The following CRB2 variants were observed in gnomAD, a reference collection of about 807,000 sequenced individuals.
CRB2 encodes crumbs cell polarity complex component 2.
A neutral mutation model predicts 110.9 loss-of-function variants in CRB2; 85 were observed. The observed-to-expected ratio is 0.77, with a 90% CI of 0.64 to 0.92. The LOEUF (loss-of-function observed/expected upper bound fraction) is 0.92, where lower values mean the gene tolerates loss of function less well. Among genes scored for constraint, CRB2 ranks in the 40% least tolerant of loss-of-function variants. The pLI, the probability that CRB2 is intolerant of heterozygous loss-of-function variation, is 0.00. For missense variants in CRB2, 1,843 were observed against 1,851.3 expected (o/e 1.00, Z 0.08); for synonymous variants, 907 against 831.0 (o/e 1.09, Z -1.57).
intron 6 of CRB2, among the ~76,000 whole-genome samples, chr9:123,369,417 G>A (rs1258137435): frequency 2.0e-5 from 3 of 152,210 alleles, no homozygotes; most frequent in Admixed American, 2.0e-4. Flanking sequence ...GCTGTGCCTG[G>A]GACTGCAGAG....
At chr9:123,357,047 G>A (rs2041808459) in intron 1 of CRB2, among the ~76,000 whole-genome samples, 1 of 152,070 alleles carries the variant, frequency 6.6e-6, no homozygotes, top group Admixed American at 6.5e-5. Context: ...CCATTTGTGC[G>A]GTAGCCCTGC....
Position 123,376,862 on chromosome 9 carries a change from T to G in CRB2, c.3658T>G (p.Phe1220Val). The G allele has an allele frequency of 6.2e-7, 1 of 1,609,392 alleles. No individual in the cohort carries two copies. Among genetic ancestry groups the G allele is most frequent in the Non-Finnish European group, 8.5e-7 (1 of 1,179,230 alleles). The change falls in exon 13 of 13, where the codon TTC becomes GTC. Residue 1220 changes from phenylalanine to valine, a missense_variant. Physicochemically the swap from Phe to Val is conservative, Grantham distance 50. Coordinates refer to ENST00000373631, the MANE Select transcript of CRB2 (RefSeq NM_173689.7). ...VAKGLPLPLP[F>V]PLLEVAVPAA... Reference sequence around the variant, plus strand: ...GAAGGGCCTGCCCCTGCCGCTGCCATTCCCACTGCTGGAGGTGGCCGTACC... The same window carrying G: ...GAAGGGCCTGCCCCTGCCGCTGCCAGTCCCACTGCTGGAGGTGGCCGTACC...
At chr9:123,358,381 G>A (rs1422060524) in intron 1 of CRB2, among the ~76,000 whole-genome samples, 1 of 152,152 alleles carries the variant, frequency 6.6e-6, no homozygotes, top group African/African-American at 2.4e-5. Context: ...AACACCCAGG[G>A]AGCCCAGCAG....
chr9:123,372,940 C>T (rs916814120), intron 9 of CRB2, among the ~76,000 whole-genome samples, 194 bp from the exon 10 acceptor site: 2 of 152,212 alleles, frequency 1.3e-5, no homozygotes, highest in African/African-American at 4.8e-5. Flanking sequence ...ACTGCTCCTC[C>T]ATGGGTAGGA....
rs1291693339 is a variant in CRB2, at chr9:123,373,329, T to G, written c.2798T>G (p.Val933Gly). The G allele has an allele frequency of 7.6e-6, 11 of 1,444,256 alleles. No homozygotes were observed. The highest frequency in any genetic ancestry group is 9.0e-6 in the Non-Finnish European group (10 of 1,107,666). The allele number at this position is 1,444,256 out of a possible 1,614,324, so 89.5% of individuals were successfully genotyped here. A position where few individuals can be genotyped will look rare whatever the true frequency, so the allele number is the denominator to read the frequency against. ...AVRNGSLAGGVRGGHGLPGAV... is the reference protein window; with the variant it reads ...AVRNGSLAGGGRGGHGLPGAV... ...CGCAATGGCTCGCTGGCGGGGGGCG[T>G]GCGCGGAGGCCATGGCCTGCCCGGC... Residue 933 changes from valine (V) to glycine (G), a missense_variant, in exon 10 of 13, where the codon GTG becomes GGG. Physicochemically the swap from Val to Gly is moderately radical, Grantham distance 109 (BLOSUM62 -3). Transcript: ENST00000373631.
At chr9:123,367,741 G>A (rs1281359982) in intron 6 of CRB2, 55 bp downstream of exon 6, 2 of 1,191,184 alleles carry the variant, frequency 1.7e-6, no homozygotes, top group African/African-American at 3.0e-5. Context: ...CCTCAGGTGA[G>A]AAGGTCCCTT....
chr9:123,362,961 G>A lies in CRB2; in HGVS notation c.191G>A (p.Gly64Glu). The stretch of plus-strand genomic sequence containing the variant: ...ACCGAGAGTGGTGGCTATACCTGTG[G>A]GCCCATGGAGCCCCGGGGCTGTGCC... The part of the protein sequence containing the change: ...QATESGGYTC[G>E]PMEPRGCATQ... Residue 64 changes from glycine (G) to glutamate (E), a missense_variant, in exon 2 of 13, where the codon GGG (glycine) becomes GAG (glutamate). By Grantham distance (98) the Gly-to-Glu change is moderately conservative. Coordinates refer to ENST00000373631, the MANE Select transcript of CRB2 (RefSeq NM_173689.7). 1 of 1,611,428 alleles carries A rather than the reference G, an allele frequency of 6.2e-7. No homozygotes were observed. Among genetic ancestry groups the A allele is most frequent in the East Asian group, 2.2e-5 (1 of 44,814 alleles).
rs1345545989 is a variant in CRB2, at chr9:123,367,566, C to T, written c.941-7C>T. 6.4e-6 allele frequency: 10 copies of T among 1,550,828 alleles called. No individual in the cohort carries two copies. The highest frequency in any genetic ancestry group is 3.6e-5 in the South Asian group (3 of 84,066). Reference sequence around the variant, plus strand: ...GCAGGTGGGACCCACAGCTGGGCCTCTTACAGGAGCCGACTGCGGTGTGGA... The same window carrying T: ...GCAGGTGGGACCCACAGCTGGGCCTTTTACAGGAGCCGACTGCGGTGTGGA... On this transcript the variant is annotated splice_region_variant and splice_polypyrimidine_tract_variant and intron_variant, in intron 5 of 12. Transcript: ENST00000373631.
intron 11 of CRB2, 27 bp from the exon 12 acceptor site, chr9:123,375,190 G>A (rs369111020): frequency 1.9e-5 from 30 of 1,611,030 alleles, no homozygotes; most frequent in Admixed American, 6.7e-5. Context: ...GGGGGAAGCC[G>A]CTTTCTCAGC....
At position 123,374,595 on chromosome 9, in the gene CRB2, A is replaced by G. The variant is rs751088787; in HGVS notation, c.3406A>G (p.Lys1136Glu). Residue 1136 changes from lysine (K) to glutamate (E), a missense_variant, in exon 11 of 13, where the codon AAG becomes GAG. By Grantham distance (56) the Lys-to-Glu change is moderately conservative (BLOSUM62 1). Coordinates refer to ENST00000373631, the MANE Select transcript of CRB2 (RefSeq NM_173689.7). Reference sequence around the variant, plus strand: ...TCTCCCCAGGTTGCCTGTCCCATCCAAGGAGTGCAGCCTGAATGTCACCTG... The same window carrying G: ...TCTCCCCAGGTTGCCTGTCCCATCCGAGGAGTGCAGCCTGAATGTCACCTG... ...GPRCRLPVPSKECSLNVTCLD... is the reference protein window; with the variant it reads ...GPRCRLPVPSEECSLNVTCLD... 5.0e-5 allele frequency: 80 copies of G among 1,613,142 alleles called. No individual in the cohort carries two copies. In the Admixed American group the frequency reaches 1.3e-3, roughly 27 times the overall value.
chr9:123,366,412 T>G (rs1417047641), intron 4 of CRB2, 46 bp downstream of exon 4: 25 of 1,503,074 alleles, frequency 1.7e-5, no homozygotes, highest in Non-Finnish European at 2.1e-5. Context: ...GGGGTAGGTG[T>G]GCGCCTGTGC....
In CRB2 at chr9:123,373,518, T is replaced by C; in HGVS notation, c.2987T>C (p.Leu996Pro). The change falls in exon 10 of 13, where the codon CTG becomes CCG. Residue 996 changes from leucine (L) to proline (P), a missense_variant. Leu to Pro is a moderately conservative substitution (Grantham distance 98). Coordinates refer to ENST00000373631, the MANE Select transcript of CRB2 (RefSeq NM_173689.7). ...LRGLASDLGF[L>P]QGPGAVRILL... ...GGCCTGGCCAGTGACCTGGGCTTCC[T>C]GCAGGGCCCGGGTGCTGTGCGCATC... 6.8e-7 allele frequency: 1 copy of C among 1,478,172 alleles called. No homozygotes were observed. The highest frequency in any genetic ancestry group is 8.9e-7 in the Non-Finnish European group (1 of 1,122,084). 91.6% of individuals were successfully genotyped at this position (1,478,172 alleles called of 1,614,324 possible). A position where few individuals can be genotyped will look rare whatever the true frequency, so the allele number is the denominator to read the frequency against.
At chr9:123,364,427 G>A (rs1328777445) in intron 2 of CRB2, among the ~76,000 whole-genome samples, 1 of 96,350 alleles carries the variant, frequency 1.0e-5, no homozygotes, top group Non-Finnish European at 2.4e-5. Context: ...ACTCTTCCTG[G>A]GTAAGCTGTG....
chr9:123,369,444 G>A (rs973118269), intron 6 of CRB2, among the ~76,000 whole-genome samples: 3 of 152,334 alleles, frequency 2.0e-5, no homozygotes, highest in African/African-American at 7.2e-5. Flanking sequence ...AGTAGTTTGA[G>A]GTTGGGAGTT....
chr9:123,365,828 T>A, intron 2 of CRB2, 89 bp from the exon 3 acceptor site: 1 of 1,143,876 alleles, frequency 8.7e-7, no homozygotes, highest in Non-Finnish European at 1.2e-6. Context: ...AATCCACGAG[T>A]CTCTAACTCT....
chr9:123,375,187 G>T, intron 11 of CRB2, 30 bp from the exon 12 acceptor site: 11 of 1,611,040 alleles, frequency 6.8e-6, no homozygotes, highest in Non-Finnish European at 9.3e-6. Flanking sequence ...CATGGGGGAA[G>T]CCGCTTTCTC....
chr9:123,377,069 C>CT lies in CRB2; in HGVS notation c.*8dup. The CT allele has an allele frequency of 6.5e-7, 1 of 1,534,826 alleles. No individual in the cohort carries two copies. The highest frequency in any genetic ancestry group is 1.3e-5 in the South Asian group (1 of 78,318). The stretch of plus-strand genomic sequence containing the variant: ...GGAGGAGAGACTCATCTAGGCCAGC[C>CT]TGGCTGCTGGCACCAGCACCTGGAG... On this transcript the variant is annotated 3_prime_UTR_variant, in exon 13 of 13. Transcript: ENST00000373631.
intron 7 of CRB2, 35 bp from the exon 8 acceptor site, chr9:123,371,035 G>A (rs752362337): frequency 6.3e-7 from 1 of 1,599,636 alleles, no homozygotes; most frequent in Admixed American, 1.7e-5. Context: ...CCCTCAGCCT[G>A]CAGGCCTCAC....
chr9:123,374,841 G>A (rs1375442290), intron 11 of CRB2, 146 bp downstream of exon 11: 2 of 633,434 alleles, frequency 3.2e-6, no homozygotes, highest in Admixed American at 5.6e-5. Context: ...TTCCTTCCAT[G>A]ACTCGCAAGA....
Sources: allele counts gnomAD v4.1 joint callset (sites outside exome capture counted in the v4.1 genomes callset), GRCh38; gene constraint gnomAD v4.1.1; transcripts MANE v1.5; gene names NCBI Gene and HGNC (gene_info 2026-07-23, HGNC 2026-07-21).